CPD: variants seen among roughly 807,000 people sequenced by gnomAD.
The protein encoded by CPD is metallocarboxypeptidase D.
In CPD, 69 loss-of-function variants were observed where a neutral mutation model predicts 138.3. The ratio of observed to expected loss-of-function variants is 0.50; its 90% CI spans 0.41 to 0.61. The LOEUF is 0.61. CPD is among the 20% of genes least tolerant of loss of function. The pLI is 0.00. For missense variants in CPD, 1,432 were observed against 1,733.3 expected (o/e 0.83, Z 3.09); for synonymous variants, 651 against 642.1 (o/e 1.01, Z -0.21).
Position 30,385,064 on chromosome 17 carries a change from G to T in CPD, c.822G>T (p.Lys274Asn). Reference protein sequence around the residue: ...SYPFDDSPEHKATGIYSKTSD... With the variant: ...SYPFDDSPEHNATGIYSKTSD... ...CTTTTGATGATTCTCCAGAACATAA[G>T]GCCACTGGAATCTATAGCAAAACCT... is the stretch of plus-strand genomic sequence containing the variant. The change falls in exon 2 of 21, where the codon AAG becomes AAT. Residue 274 changes from lysine to asparagine, a missense_variant. Lys to Asn is a moderately conservative substitution (Grantham distance 94). Transcript: ENST00000225719. 1 of 1,614,004 alleles carries T rather than the reference G, an allele frequency of 6.2e-7. No individual in the cohort carries two copies. The highest frequency in any genetic ancestry group is 1.1e-5 in the South Asian group (1 of 91,082).
intron 17 of CPD, among the ~76,000 whole-genome samples, chr17:30,458,773 G>A (rs1357342398): frequency 6.6e-6 from 1 of 151,902 alleles, no homozygotes; most frequent in Non-Finnish European, 1.5e-5. Flanking sequence ...GGCTGTGGCA[G>A]GAGAATTGCT....
At position 30,449,718 on chromosome 17, in the gene CPD, G is replaced by A. The variant is rs1913116757; in HGVS notation, c.3039G>A (p.Leu1013=). 1 of 1,577,742 alleles carries A rather than the reference G, an allele frequency of 6.3e-7. No homozygotes were observed. The highest frequency in any genetic ancestry group is 8.5e-7 in the Non-Finnish European group (1 of 1,169,754). The part of the protein sequence containing the change: ...LLLALAEFLC[L]NYKKNPAVTQ... Reference sequence around the variant, plus strand: ...TGGCTCTGGCAGAATTTCTCTGCCTGAACTACAAAAAGAACCCAGCTGTTA... The same window carrying A: ...TGGCTCTGGCAGAATTTCTCTGCCTAAACTACAAAAAGAACCCAGCTGTTA... The change falls in exon 13 of 21, where the codon CTG becomes CTA. Residue 1013 remains leucine, a synonymous_variant. Transcript: ENST00000225719.
rs767243094 is a variant in CPD, at chr17:30,445,741, A to C, written c.2594A>C (p.Gln865Pro). The change falls in exon 12 of 21, where the codon CAG becomes CCG. Residue 865 changes from glutamine (Q) to proline (P), a missense_variant. This residue lies in a region of CPD where 124 missense variants were observed against 117.0 expected (regional missense o/e 1.06). Coordinates refer to ENST00000225719, the MANE Select transcript of CPD (RefSeq NM_001304.5). The stretch of plus-strand genomic sequence containing the variant: ...ACTGTCAAGAGTGAAGGCGCTATTC[A>C]GGTCAACTTCACACTTGTTCGATCC... Reference protein sequence around the residue: ...NVTVKSEGAIQVNFTLVRSST... With the variant: ...NVTVKSEGAIPVNFTLVRSST... 2 of 1,613,496 alleles carry C rather than the reference A, an allele frequency of 1.2e-6. No individual in the cohort carries two copies. The highest frequency in any genetic ancestry group is 1.7e-6 in the Non-Finnish European group (2 of 1,179,778).
intron 2 of CPD, among the ~76,000 whole-genome samples, chr17:30,388,836 C>A (rs1008153469): frequency 2.0e-5 from 3 of 152,142 alleles, no homozygotes; most frequent in Non-Finnish European, 4.4e-5. Flanking sequence ...GAGCTGATTG[C>A]GGGCCTGGGG....
At chr17:30,448,940 C>T (rs578073365) in intron 12 of CPD, among the ~76,000 whole-genome samples, 1 of 151,958 alleles carries the variant, frequency 6.6e-6, no homozygotes, top group South Asian at 2.1e-4. Context: ...CCTGTCTCTA[C>T]AAAATTTTTT....
At chr17:30,390,646 T>C (rs1597706392) in intron 2 of CPD, among the ~76,000 whole-genome samples, 2 of 152,296 alleles carry the variant, frequency 1.3e-5, no homozygotes, top group African/African-American at 4.8e-5. Flanking sequence ...TTTGCCTTCA[T>C]TGCCAGGGCT....
intron 2 of CPD, among the ~76,000 whole-genome samples, chr17:30,407,399 C>G (rs1484161204): frequency 6.6e-6 from 1 of 152,190 alleles, no homozygotes; most frequent in African/African-American, 2.4e-5. Flanking sequence ...ACACTGACTT[C>G]CACAATGGTT....
chr17:30,405,011 T>A (rs1386442200), intron 2 of CPD, among the ~76,000 whole-genome samples: 1 of 152,190 alleles, frequency 6.6e-6, no homozygotes, highest in African/African-American at 2.4e-5. Context: ...AAGAGTTTAC[T>A]TGGTATGATA....
Position 30,456,633 on chromosome 17 carries a change from G to A in CPD, c.3498+107G>A. ...AAGGCAGGTGGATTTTCTGAGTTTG[G>A]GAGTTCAAGACCAGCCTGGCCAACA... is the stretch of plus-strand genomic sequence containing the variant. On this transcript the variant is annotated intron_variant, in intron 17 of 20. Coordinates refer to ENST00000225719, the MANE Select transcript of CPD (RefSeq NM_001304.5). The A allele has an allele frequency of 1.0e-5, 11 of 1,072,682 alleles. No individual in the cohort carries two copies. In the South Asian group the frequency reaches 1.3e-4, roughly 13 times the overall value. 66.4% of individuals were successfully genotyped at this position (1,072,682 alleles called of 1,614,324 possible).
chr17:30,438,885 C>T (rs1006107829), intron 8 of CPD, 90 bp from the exon 9 acceptor site: 28 of 781,544 alleles, frequency 3.6e-5, no homozygotes, highest in Non-Finnish European at 5.6e-5. Context: ...CTGTTGGAAG[C>T]CACTTTTATT....
intron 8 of CPD, among the ~76,000 whole-genome samples, chr17:30,434,241 C>T (rs149114482): frequency 2.7e-4 from 41 of 152,182 alleles, no homozygotes; most frequent in Non-Finnish European, 5.0e-4. Context: ...TACACAAAAC[C>T]ACACTGTTGG....
chr17:30,456,596 CT>C, intron 17 of CPD, 70 bp downstream of exon 17: 1 of 1,471,774 alleles, frequency 6.8e-7, no homozygotes, highest in Non-Finnish European at 9.5e-7. Context: ...AAACCCAGTG[CT>C]TTGGGAGGCC....
Position 30,385,053 on chromosome 17 carries a change from C to G in CPD, c.811C>G (p.Pro271Ala). 7 of 1,613,998 alleles carry G rather than the reference C, an allele frequency of 4.3e-6. No individual in the cohort carries two copies. Among genetic ancestry groups the G allele is most frequent in the Non-Finnish European group, 5.1e-6 (6 of 1,179,962 alleles). ...AGCAAGCTATCCTTTTGATGATTCT[C>G]CAGAACATAAGGCCACTGGAATCTA... ...VVASYPFDDS[P>A]EHKATGIYSK... is the part of the protein sequence containing the mutation. The change falls in exon 2 of 21, where the codon CCA (proline) becomes GCA (alanine). Residue 271 changes from proline (P) to alanine (A), a missense_variant. Pro to Ala is a conservative substitution (Grantham distance 27). Coordinates refer to ENST00000225719, the MANE Select transcript of CPD (RefSeq NM_001304.5).
chr17:30,432,124 A>G (rs974412077), intron 8 of CPD, among the ~76,000 whole-genome samples: 3 of 152,172 alleles, frequency 2.0e-5, no homozygotes, highest in Admixed American at 6.5e-5. Flanking sequence ...ATACATGTCA[A>G]TTTATTTCAT....
At chr17:30,398,148 G>A (rs1054869759) in intron 2 of CPD, among the ~76,000 whole-genome samples, 13 of 151,748 alleles carry the variant, frequency 8.6e-5, no homozygotes, top group African/African-American at 3.1e-4. Flanking sequence ...AGTTATTTTA[G>A]TATTAACAAA....
chr17:30,442,517 G>T, intron 10 of CPD, 67 bp downstream of exon 10: 1 of 1,510,830 alleles, frequency 6.6e-7, no homozygotes, highest in Non-Finnish European at 9.1e-7. Context: ...CGTACACGTG[G>T]TTTTTGTGCA....
chr17:30,463,270 G>A (rs141098110), intron 20 of CPD, among the ~76,000 whole-genome samples: 15 of 152,182 alleles, frequency 9.9e-5, no homozygotes, highest in Non-Finnish European at 1.8e-4. Context: ...TTTCATTATA[G>A]CACTTTCATA....
intron 20 of CPD, among the ~76,000 whole-genome samples, chr17:30,463,060 A>T (rs969121931): frequency 6.6e-6 from 1 of 152,166 alleles, no homozygotes; most frequent in Non-Finnish European, 1.5e-5. Flanking sequence ...TCTAGTGTGG[A>T]TGTCATGGCC....
intron 12 of CPD, 89 bp from the exon 13 acceptor site, chr17:30,449,464 T>C: frequency 8.2e-7 from 1 of 1,222,728 alleles, no homozygotes; most frequent in Non-Finnish European, 1.1e-6. Context: ...TTTTGTGTTT[T>C]GTTTTCATTT....
Sources: gnomAD v4.1 joint callset for allele counts (sites outside exome capture counted in the v4.1 genomes callset) on GRCh38, gnomAD v4.1.1 for gene constraint, gnomAD v4.1.1 regional missense constraint, MANE v1.5 for transcripts, NCBI Gene and HGNC (gene_info 2026-07-23, HGNC 2026-07-21) for gene names.